Variants in SLC39A14 observed in about 807,000 individuals in gnomAD.
SLC39A14 encodes metal cation symporter ZIP14.
SLC39A14 carries 19 observed loss-of-function variants against 45.5 expected under a neutral mutation model. The ratio of observed to expected loss-of-function variants is 0.42; its 90% CI spans 0.29 to 0.61. The LOEUF (loss-of-function observed/expected upper bound fraction) is 0.61. Ranked by LOEUF, SLC39A14 falls within the 20% of genes least tolerant of loss-of-function variation. The pLI is 0.22. For missense variants in SLC39A14, 447 were observed against 616.5 expected, an observed-to-expected ratio of 0.73 and a Z score of 2.91; for synonymous variants, 264 against 251.3, an observed-to-expected ratio of 1.05 and a Z score of -0.48.
downstream of SLC39A14, among the ~76,000 whole-genome samples, chr8:22,424,121 TCTCA>T (rs1836342075): frequency 6.6e-6 from 1 of 152,184 alleles, no homozygotes. Context: ...GAGGCTGTGA[TCTCA>T]CTGTGTTGCA....
At chr8:22,392,810 G>C (rs1238295806) in intron 1 of SLC39A14, 1 of 148,166 alleles carries the variant, frequency 6.7e-6, no homozygotes, top group Non-Finnish European at 1.5e-5. Context: ...TGGCTCCAGC[G>C]CCTGGGCCTG....
Position 22,395,387 on chromosome 8 carries a change from T to A in SLC39A14, c.-15-9309T>A, listed in dbSNP as rs77220867. On this transcript the variant is annotated intron_variant, in intron 1 of 8. Coordinates refer to ENST00000381237, the MANE Select transcript of SLC39A14 (RefSeq NM_001128431.4). ...TCTTCTCACTGTTTTTGGTTTAAGT[T>A]TTCTTGTCCATCTGCATTCACTGTG... is the stretch of plus-strand genomic sequence containing the variant. 1.4e-4 allele frequency among the ~76,000 whole-genome samples: 22 copies of A among 152,310 alleles called. No homozygotes were observed. The East Asian group carries it at 4.0e-3, about 28-fold the overall frequency.
At chr8:22,385,360 C>T (rs1833737228) in intron 1 of SLC39A14, among the ~76,000 whole-genome samples, 1 of 152,122 alleles carries the variant, frequency 6.6e-6, no homozygotes, top group Admixed American at 6.5e-5. Flanking sequence ...CAGTCTCTGC[C>T]CTCCTGGAGC....
At chr8:22,392,395 C>T (rs933086366) in intron 1 of SLC39A14, among the ~76,000 whole-genome samples, 5 of 152,088 alleles carry the variant, frequency 3.3e-5, no homozygotes, top group Non-Finnish European at 5.9e-5. Flanking sequence ...GCGTGTGGCA[C>T]GTCGTGTTGT....
Position 22,421,546 on chromosome 8 carries a change from T to A in SLC39A14, c.*1848T>A. 2 of 985,588 alleles carry A rather than the reference T, an allele frequency of 2.0e-6. No individual in the cohort carries two copies. Among genetic ancestry groups the A allele is most frequent in the Non-Finnish European group, 2.4e-6 (2 of 829,672 alleles). 61.1% of individuals were successfully genotyped at this position (985,588 alleles called of 1,614,324 possible). On this transcript the variant is annotated 3_prime_UTR_variant, in exon 9 of 9. Coordinates refer to ENST00000381237, the MANE Select transcript of SLC39A14 (RefSeq NM_001128431.4). ...AGAACCAATTCCTTGAATGTTGGAA[T>A]CTAACTTTTTATATTGTCATTATTA... is the stretch of plus-strand genomic sequence containing the variant.
chr8:22,397,069 G>A (rs1834530000), intron 1 of SLC39A14, among the ~76,000 whole-genome samples: 1 of 151,730 alleles, frequency 6.6e-6, no homozygotes, highest in Non-Finnish European at 1.5e-5. Flanking sequence ...GTTTCAATAT[G>A]CTTGTTTTTA....
chr8:22,425,857 G>C (rs1168615608), downstream of SLC39A14, among the ~76,000 whole-genome samples: 1 of 149,046 alleles, frequency 6.7e-6, no homozygotes, highest in African/African-American at 2.4e-5. Context: ...CATAAGCCAA[G>C]AAGTTCTTCT....
intron 3 of SLC39A14, chr8:22,410,220 C>G (rs765613018): frequency 8.5e-7 from 1 of 1,174,900 alleles, no homozygotes. Flanking sequence ...ATGACTGCCA[C>G]CTGAGAAATG....
At chr8:22,379,081 T>A (rs576684955) in intron 1 of SLC39A14, among the ~76,000 whole-genome samples, 1 of 152,346 alleles carries the variant, frequency 6.6e-6, no homozygotes, top group South Asian at 2.1e-4. Flanking sequence ...CTGGCATTCC[T>A]TGGCTTCTGG....
At chr8:22,413,016 C>T (rs995029219) in intron 4 of SLC39A14, among the ~76,000 whole-genome samples, 36 of 152,120 alleles carry the variant, frequency 2.4e-4, no homozygotes, top group African/African-American at 8.2e-4. Context: ...AGTTTTGGGG[C>T]AAAGGCAATG....
intron 8 of SLC39A14, among the ~76,000 whole-genome samples, chr8:22,428,168 A>G (rs1419954756): frequency 6.6e-6 from 1 of 152,078 alleles, no homozygotes; most frequent in Non-Finnish European, 1.5e-5. Flanking sequence ...GTGGTGGCGC[A>G]TGCCTGTAAT....
chr8:22,430,899 C>G (rs1056567240), intron 8 of SLC39A14, among the ~76,000 whole-genome samples: 8 of 152,066 alleles, frequency 5.3e-5, no homozygotes, highest in South Asian at 2.1e-4. Flanking sequence ...TCTTTAACTC[C>G]TGGCCTCAAG....
At chr8:22,405,677 G>A (rs1161959071) in intron 2 of SLC39A14, among the ~76,000 whole-genome samples, 2 of 152,042 alleles carry the variant, frequency 1.3e-5, no homozygotes, top group Admixed American at 6.5e-5. Context: ...ACACTATCCC[G>A]GGTGAGCCCA....
Position 22,420,336 on chromosome 8 carries a change from C to T in SLC39A14, c.*638C>T. 1 of 985,474 alleles carries T rather than the reference C, an allele frequency of 1.0e-6. No homozygotes were observed. The allele number at this position is 985,474 out of a possible 1,614,324, so 61.0% of individuals were successfully genotyped here. The stretch of plus-strand genomic sequence containing the variant: ...GCTGTGTGTCTTGTCAGGATGCTCA[C>T]TTGTTCCTACTGAGATGCTGGATAT... On this transcript the variant is annotated 3_prime_UTR_variant, in exon 9 of 9. Coordinates refer to ENST00000381237, the MANE Select transcript of SLC39A14 (RefSeq NM_001128431.4).
intron 1 of SLC39A14, among the ~76,000 whole-genome samples, chr8:22,390,900 C>G (rs1030215053): frequency 6.6e-6 from 1 of 152,120 alleles, no homozygotes; most frequent in African/African-American, 2.4e-5. Context: ...AACAGTCCCG[C>G]GGGGAGAGCC....
At chr8:22,387,087 C>G (rs1038220830) in intron 1 of SLC39A14, among the ~76,000 whole-genome samples, 1 of 151,270 alleles carries the variant, frequency 6.6e-6, no homozygotes, top group Non-Finnish European at 1.5e-5. Flanking sequence ...GTGGGAGGAT[C>G]GCTTGGGTCC....
intron 1 of SLC39A14, among the ~76,000 whole-genome samples, chr8:22,391,680 C>T (rs1399222870): frequency 6.6e-6 from 1 of 151,948 alleles, no homozygotes; most frequent in Non-Finnish European, 1.5e-5. Context: ...AAGCAATTCT[C>T]TGCCTCAGCC....
intron 4 of SLC39A14, 41 bp downstream of exon 4, chr8:22,412,247 G>A (rs1445224175): frequency 6.5e-7 from 1 of 1,543,876 alleles, no homozygotes; most frequent in Non-Finnish European, 8.8e-7. Flanking sequence ...CATGCCGGCG[G>A]GCACAGTGGG....
Position 22,383,366 on chromosome 8 carries a change from G to A in SLC39A14, c.-16+15958G>A, listed in dbSNP as rs527534168. ...GAAGCACCTCATCCACCCGCACAGG[G>A]ATTACTGGGCTGCTGTCCTGGAGGG... On this transcript the variant is annotated intron_variant, in intron 1 of 8. Transcript: ENST00000381237. 1.1e-4 allele frequency among the ~76,000 whole-genome samples: 17 copies of A among 152,288 alleles called. No individual in the cohort carries two copies. The South Asian group carries it at 3.1e-3, about 28-fold the overall frequency.
Sources: allele counts gnomAD v4.1 joint callset (sites outside exome capture counted in the v4.1 genomes callset), GRCh38; gene constraint gnomAD v4.1.1; transcripts MANE v1.5; gene names NCBI Gene and HGNC (gene_info 2026-07-23, HGNC 2026-07-21).